TMX1: variants seen among roughly 807,000 people sequenced by gnomAD.
TMX1 encodes thioredoxin related transmembrane protein 1, also known as thioredoxin-related transmembrane protein 1.
In TMX1, 25 loss-of-function variants were observed where a neutral mutation model predicts 36.6. That is an observed-to-expected ratio of 0.68 (90% CI 0.50 to 0.95). The LOEUF (loss-of-function observed/expected upper bound fraction) is 0.95. TMX1 is among the 40% of genes least tolerant of loss of function. The probability of loss-of-function intolerance (pLI) is 0.00; values close to 1 mark genes in which losing one functional copy is unlikely to be tolerated. For synonymous variants in TMX1, 133 were observed against 118.0 expected, an observed-to-expected ratio of 1.13 and a Z score of -0.82; for missense variants, 347 against 339.6, an observed-to-expected ratio of 1.02 and a Z score of -0.17.
At chr14:51,249,164 A>G (rs964050343) in intron 4 of TMX1, among the ~76,000 whole-genome samples, 162 bp from the exon 5 acceptor site, 1 of 152,230 alleles carries the variant, frequency 6.6e-6, no homozygotes, top group African/African-American at 2.4e-5. Context: ...AACAGTTTTC[A>G]TGAAGAAGGC....
intron 4 of TMX1, among the ~76,000 whole-genome samples, chr14:51,248,571 C>A (rs990380114): frequency 6.6e-6 from 1 of 152,160 alleles, no homozygotes; most frequent in Non-Finnish European, 1.5e-5. Flanking sequence ...GATTAAAATA[C>A]CTTTCTGTGT....
chr14:51,245,311 A>G lies in TMX1; in HGVS notation c.269-2A>G. The G allele has an allele frequency of 6.2e-7, 1 of 1,613,790 alleles. No homozygotes were observed. Among genetic ancestry groups the G allele is most frequent in the Non-Finnish European group, 8.5e-7 (1 of 1,179,948 alleles). ...AACCTGCTGTGTGTTCTTTATTTGT[A>G]GGACTGAGTGGACGGTTTATCATAA... On this transcript the variant is annotated splice_acceptor_variant, in intron 2 of 7. Transcript: ENST00000457354. LOFTEE classifies it high-confidence loss of function.
chr14:51,252,771 A>C (rs993088827), intron 7 of TMX1, among the ~76,000 whole-genome samples: 3 of 152,194 alleles, frequency 2.0e-5, no homozygotes, highest in Non-Finnish European at 2.9e-5. Context: ...ACTGTTAAGC[A>C]AAATTGGAAT....
chr14:51,244,784 C>T (rs529398090), intron 2 of TMX1, among the ~76,000 whole-genome samples: 1 of 152,176 alleles, frequency 6.6e-6, no homozygotes, highest in Non-Finnish European at 1.5e-5. Context: ...CCCCATTTCA[C>T]AGATAAGAAA....
At chr14:51,244,066 T>C in intron 2 of TMX1, 95 bp downstream of exon 2, 3 of 1,048,782 alleles carry the variant, frequency 2.9e-6, no homozygotes, top group Non-Finnish European at 3.9e-6. Context: ...TCTACCTTTC[T>C]TTAGGTTTTG....
Position 51,243,902 on chromosome 14 carries a change from G to A in TMX1, c.199G>A (p.Glu67Lys), listed in dbSNP as rs2065773694. The A allele has an allele frequency of 6.2e-7, 1 of 1,612,008 alleles. No individual in the cohort carries two copies. The highest frequency in any genetic ancestry group is 1.7e-5 in the Admixed American group (1 of 59,806). ...TTGTCAAAATCTTCAACCGGAATGGGAAAGTTTTGCTGAATGGGGAGAAGA... is the reference window on the plus strand; with the variant it reads ...TTGTCAAAATCTTCAACCGGAATGGAAAAGTTTTGCTGAATGGGGAGAAGA... Reference protein sequence around the residue: ...PACQNLQPEWESFAEWGEDLE... With the variant: ...PACQNLQPEWKSFAEWGEDLE... The change falls in exon 2 of 8, where the codon GAA (glutamate) becomes AAA (lysine). Residue 67 changes from glutamate to lysine, a missense_variant. By Grantham distance (56) the Glu-to-Lys change is moderately conservative. Coordinates refer to ENST00000457354, the MANE Select transcript of TMX1 (RefSeq NM_030755.5).
Position 51,254,377 on chromosome 14 carries a change from A to T in TMX1, c.701A>T (p.Lys234Ile). 2.5e-6 allele frequency: 4 copies of T among 1,608,608 alleles called. No individual in the cohort carries two copies. The highest frequency in any genetic ancestry group is 3.4e-6 in the Non-Finnish European group (4 of 1,178,542). Residue 234 changes from lysine to isoleucine, a missense_variant, in exon 8 of 8, where the codon AAA becomes ATA. By Grantham distance (102) the Lys-to-Ile change is moderately radical. Transcript: ENST00000457354. ...TCAGAATCTGCACAACCTTTGAAAA[A>T]AGTGGAGGAGGAACAAGAGGCGGAT... Reference protein sequence around the residue: ...LLSESAQPLKKVEEEQEADEE... With the variant: ...LLSESAQPLKIVEEEQEADEE...
chr14:51,255,506 G>C lies in TMX1; in HGVS notation c.*987G>C, dbSNP rs2065834432. The stretch of plus-strand genomic sequence containing the variant: ...AAATTCAAAGAAGCTTAATATAAAA[G>C]TTTGCATTCTACTCAGGAAAAAGCA... On this transcript the variant is annotated 3_prime_UTR_variant, in exon 8 of 8. Transcript: ENST00000457354. 1 of 151,414 alleles carries C rather than the reference G, an allele frequency of 6.6e-6. No individual in the cohort carries two copies. 9.4% of individuals were successfully genotyped at this position (151,414 alleles called of 1,614,324 possible).
intron 1 of TMX1, 81 bp from the exon 2 acceptor site, chr14:51,243,775 T>C (rs2065772858): frequency 1.1e-6 from 1 of 880,358 alleles, no homozygotes; most frequent in African/African-American, 2.1e-5. Context: ...TCATAAATTA[T>C]ACATTTAAAT....
intron 1 of TMX1, among the ~76,000 whole-genome samples, chr14:51,241,545 A>G (rs1244478273): frequency 6.6e-6 from 1 of 152,210 alleles, no homozygotes; most frequent in East Asian, 1.9e-4. Context: ...TAGGCATACA[A>G]TAATTGTTGT....
intron 3 of TMX1, among the ~76,000 whole-genome samples, chr14:51,246,557 G>A (rs1476073478): frequency 6.6e-6 from 1 of 152,082 alleles, no homozygotes; most frequent in Non-Finnish European, 1.5e-5. Flanking sequence ...AGGAGGAGGT[G>A]GATCTAAGGA....
intron 7 of TMX1, among the ~76,000 whole-genome samples, chr14:51,252,161 C>T (rs1397572472): frequency 6.6e-6 from 1 of 151,186 alleles, no homozygotes; most frequent in Non-Finnish European, 1.5e-5. Flanking sequence ...TAGGAAGTTA[C>T]AAGGGAATTC....
At position 51,256,404 on chromosome 14, in the gene TMX1, A is replaced by G. The variant is rs1168549585; in HGVS notation, c.*1885A>G. On this transcript the variant is annotated 3_prime_UTR_variant, in exon 8 of 8. Coordinates refer to ENST00000457354, the MANE Select transcript of TMX1 (RefSeq NM_030755.5). ...AGGGTCTTGAAATTTCAGGAAACATATAATCTCACGGTTCTTAAAGATTGT... is the reference window on the plus strand; with the variant it reads ...AGGGTCTTGAAATTTCAGGAAACATGTAATCTCACGGTTCTTAAAGATTGT... 2.6e-5 allele frequency: 4 copies of G among 152,172 alleles called. No individual in the cohort carries two copies. The highest frequency in any genetic ancestry group is 4.4e-5 in the Non-Finnish European group (3 of 68,010). The allele number at this position is 152,172 out of a possible 1,614,324, so 9.4% of individuals were successfully genotyped here. A position where few individuals can be genotyped will look rare whatever the true frequency, so the allele number is the denominator to read the frequency against.
At chr14:51,240,765 G>A (rs546237476) in intron 1 of TMX1, among the ~76,000 whole-genome samples, 1 of 152,292 alleles carries the variant, frequency 6.6e-6, no homozygotes, top group African/African-American at 2.4e-5. Context: ...GGCGCGGGGA[G>A]GGAGGTGTCC....
Position 51,254,626 on chromosome 14 carries a change from AGTCTAGATT to A in TMX1, c.*111_*119del. On this transcript the variant is annotated 3_prime_UTR_variant, in exon 8 of 8. Coordinates refer to ENST00000457354, the MANE Select transcript of TMX1 (RefSeq NM_030755.5). ...GACTTTTTTGAATATTGCAGGGTTC[AGTCTAGATT>A]GTCATTAAATTGAAGAGTCTACATT... 1.0e-6 allele frequency: 1 copy of A among 979,166 alleles called. No individual in the cohort carries two copies. Among genetic ancestry groups the A allele is most frequent in the Non-Finnish European group, 1.5e-6 (1 of 671,852 alleles). 60.7% of individuals were successfully genotyped at this position (979,166 alleles called of 1,614,324 possible).
intron 7 of TMX1, among the ~76,000 whole-genome samples, chr14:51,250,949 GGA>G (rs781263455): frequency 2.7e-3 from 411 of 152,164 alleles, no homozygotes; most frequent in South Asian, 0.013. Flanking sequence ...CATAGGGGAT[GGA>G]ATCATTTTAT....
In TMX1 at chr14:51,246,399, C is replaced by T. The variant is rs1440419619; in HGVS notation, c.315-693C>T. ...TGTGTTTTGGGGTGGGGGGCTTCCT[C>T]GTGGTTTTTACCTCTGAGTGGATAA... On this transcript the variant is annotated intron_variant, in intron 3 of 7. Transcript: ENST00000457354. Among the ~76,000 whole-genome samples, 3 of 152,294 alleles carry T rather than the reference C, an allele frequency of 2.0e-5. No individual in the cohort carries two copies. In the South Asian group the frequency reaches 6.2e-4, roughly 32 times the overall value.
At chr14:51,244,519 C>T (rs1045813506) in intron 2 of TMX1, among the ~76,000 whole-genome samples, 2 of 152,064 alleles carry the variant, frequency 1.3e-5, no homozygotes, top group African/African-American at 2.4e-5. Context: ...ATAAAGCCCT[C>T]GTGGTTGTGA....
intron 1 of TMX1, among the ~76,000 whole-genome samples, chr14:51,240,778 C>G (rs1376614503): frequency 6.6e-6 from 1 of 152,156 alleles, no homozygotes; most frequent in Non-Finnish European, 1.5e-5. Context: ...AGGTGTCCGA[C>G]TCGTGTCTAA....
Sources: allele counts gnomAD v4.1 joint callset (sites outside exome capture counted in the v4.1 genomes callset), GRCh38; gene constraint gnomAD v4.1.1; transcripts MANE v1.5; gene names NCBI Gene and HGNC (gene_info 2026-07-23, HGNC 2026-07-21).